RAB11FIP2: variants seen among roughly 807,000 people sequenced by gnomAD.
The protein encoded by RAB11FIP2 is RAB11 family interacting protein 2.
RAB11FIP2 carries 16 observed loss-of-function variants against 40.9 expected under a neutral mutation model. The observed-to-expected ratio is 0.39, with a 90% confidence interval of 0.26 to 0.59. RAB11FIP2 has a LOEUF of 0.59. Ranked by LOEUF, RAB11FIP2 falls within the 20% of genes least tolerant of loss-of-function variation. The probability of loss-of-function intolerance (pLI) is 0.53; values close to 1 mark genes in which losing one functional copy is unlikely to be tolerated. For missense variants in RAB11FIP2, 532 were observed against 606.2 expected (o/e 0.88, Z 1.28); for synonymous variants, 228 against 213.7 (o/e 1.07, Z -0.58).
rs1846089855 is a variant in RAB11FIP2, at chr10:118,006,305, G to C, written c.*2693C>G. ...GTACATTAGCTTAAGATAGTCTTGA[G>C]ATAAATATCAATTCTGTGATTTTAA... On this transcript the variant is annotated 3_prime_UTR_variant, in exon 5 of 5. Coordinates refer to ENST00000355624, the MANE Select transcript of RAB11FIP2 (RefSeq NM_014904.3). 1 of 152,514 alleles carries C rather than the reference G, an allele frequency of 6.6e-6. No individual in the cohort carries two copies. 9.4% of individuals were successfully genotyped at this position (152,514 alleles called of 1,614,324 possible).
At position 118,005,820 on chromosome 10, in the gene RAB11FIP2, C is replaced by T. The variant is rs1024114577; in HGVS notation, c.*3178G>A. On this transcript the variant is annotated 3_prime_UTR_variant, in exon 5 of 5. Transcript: ENST00000355624. Reference sequence around the variant, plus strand: ...CTTCCGGGGATGGTAGGCAGGGAGGCGTGGTGGTGAGGGAGTTGCTGGAGG... The same window carrying T: ...CTTCCGGGGATGGTAGGCAGGGAGGTGTGGTGGTGAGGGAGTTGCTGGAGG... 8 of 152,000 alleles carry T rather than the reference C, an allele frequency of 5.3e-5. No individual in the cohort carries two copies. The highest frequency in any genetic ancestry group is 1.7e-4 in the African/African-American group (7 of 41,250). The allele number at this position is 152,000 out of a possible 1,614,324, so 9.4% of individuals were successfully genotyped here.
At chr10:118,030,386 T>G (rs574095392) in intron 3 of RAB11FIP2, among the ~76,000 whole-genome samples, 1 of 152,146 alleles carries the variant, frequency 6.6e-6, no homozygotes, top group Admixed American at 6.6e-5. Context: ...TTGTTCTCTT[T>G]AAGTATTGGA....
intron 2 of RAB11FIP2, 46 bp downstream of exon 2, chr10:118,040,077 A>G (rs1387377425): frequency 2.0e-6 from 3 of 1,498,598 alleles, no homozygotes. Flanking sequence ...TTTAAAAACT[A>G]AAAGGGTAGT....
At position 118,008,602 on chromosome 10, in the gene RAB11FIP2, T is replaced by C. The variant is rs1459078169; in HGVS notation, c.*396A>G. ...AACGAGCAGTATTCCTGAAGCTAAA[T>C]ATTTCTACAAACTGATTTCTGAGAA... On this transcript the variant is annotated 3_prime_UTR_variant, in exon 5 of 5. Coordinates refer to ENST00000355624, the MANE Select transcript of RAB11FIP2 (RefSeq NM_014904.3). The C allele has an allele frequency of 5.2e-6, 1 of 191,732 alleles. No homozygotes were observed. Among genetic ancestry groups the C allele is most frequent in the Non-Finnish European group, 1.1e-5 (1 of 90,924 alleles). 11.9% of individuals were successfully genotyped at this position (191,732 alleles called of 1,614,324 possible).
chr10:118,029,888 A>G (rs1846392044), intron 3 of RAB11FIP2, among the ~76,000 whole-genome samples: 1 of 152,176 alleles, frequency 6.6e-6, no homozygotes, highest in African/African-American at 2.4e-5. Context: ...AGTTGGGAAT[A>G]TAAAATCTCA....
chr10:118,008,945 CTTCT>C lies in RAB11FIP2; in HGVS notation c.*49_*52del, dbSNP rs542670754. ...TCAGTAACAAGTTTTTCCTTCCTTC[CTTCT>C]TTCTTTCTCTCTCTTTGTCCAATTA... On this transcript the variant is annotated 3_prime_UTR_variant, in exon 5 of 5. Transcript: ENST00000355624. 3.5e-4 allele frequency: 510 copies of C among 1,440,284 alleles called. 6 individuals are homozygous for C. In the South Asian group the frequency reaches 5.3e-3, roughly 15 times the overall value. 89.2% of individuals were successfully genotyped at this position (1,440,284 alleles called of 1,614,324 possible). A position where few individuals can be genotyped will look rare whatever the true frequency, so the allele number is the denominator to read the frequency against.
chr10:118,009,155 A>G lies in RAB11FIP2; in HGVS notation c.1382T>C (p.Val461Ala), dbSNP rs1431820593. The G allele has an allele frequency of 1.2e-6, 2 of 1,613,444 alleles. No homozygotes were observed. The highest frequency in any genetic ancestry group is 1.7e-6 in the Non-Finnish European group (2 of 1,179,616). The change falls in exon 5 of 5, where the codon GTG (valine) becomes GCG (alanine). Residue 461 changes from valine to alanine, a missense_variant. Val to Ala is a moderately conservative substitution (Grantham distance 64). Transcript: ENST00000355624. The stretch of plus-strand genomic sequence containing the variant: ...CCTCCTAAGGAGTTCTTTGTGTTTC[A>G]CCAGCTCCTGTAGAACCTCTTCATA... The part of the protein sequence containing the change: ...LTYEEVLQEL[V>A]KHKELLRRKD...
At chr10:118,027,363 G>A (rs568213822) in intron 3 of RAB11FIP2, among the ~76,000 whole-genome samples, 1 of 152,282 alleles carries the variant, frequency 6.6e-6, no homozygotes, top group East Asian at 1.9e-4. Context: ...ATGTTATACT[G>A]TAAAACCTTT....
chr10:118,042,106 G>A (rs531281717), intron 1 of RAB11FIP2, among the ~76,000 whole-genome samples: 1 of 152,198 alleles, frequency 6.6e-6, no homozygotes, highest in East Asian at 1.9e-4. Context: ...ATTTTCAATA[G>A]GGAGAGAAAC....
Position 118,039,381 on chromosome 10 carries a change from G to A in RAB11FIP2, c.856C>T (p.Pro286Ser). Residue 286 changes from proline (P) to serine (S), a missense_variant, in exon 3 of 5, where the codon CCT (proline) becomes TCT (serine). By Grantham distance (74) the Pro-to-Ser change is moderately conservative. Coordinates refer to ENST00000355624, the MANE Select transcript of RAB11FIP2 (RefSeq NM_014904.3). ...TCACCTTCATCCACAATGCTGTCAGGTTGGTTCATTTTAGAAGTATCAAAG... is the reference window on the plus strand; with the variant it reads ...TCACCTTCATCCACAATGCTGTCAGATTGGTTCATTTTAGAAGTATCAAAG... Reference protein sequence around the residue: ...LSFDTSKMNQPDSIVDEGELC... With the variant: ...LSFDTSKMNQSDSIVDEGELC... 1 of 1,613,458 alleles carries A rather than the reference G, an allele frequency of 6.2e-7. No individual in the cohort carries two copies.
chr10:118,014,606 T>C (rs535911302), intron 4 of RAB11FIP2, among the ~76,000 whole-genome samples: 1 of 152,282 alleles, frequency 6.6e-6, no homozygotes, highest in South Asian at 2.1e-4. Context: ...TATTTGTTCT[T>C]TCAAATACTT....
chr10:118,023,001 T>C (rs1846299263), intron 3 of RAB11FIP2, among the ~76,000 whole-genome samples: 1 of 152,198 alleles, frequency 6.6e-6, no homozygotes, highest in Non-Finnish European at 1.5e-5. Flanking sequence ...TGGAGTGTTT[T>C]TCAGTTCTTT....
chr10:118,043,203 G>A (rs1039503263), intron 1 of RAB11FIP2, among the ~76,000 whole-genome samples: 2 of 152,064 alleles, frequency 1.3e-5, no homozygotes, highest in Non-Finnish European at 2.9e-5. Context: ...CAGTAAGGGT[G>A]CCAGAGGCCA....
chr10:118,014,959 G>A (rs1846198641), intron 4 of RAB11FIP2, 106 bp downstream of exon 4: 3 of 904,082 alleles, frequency 3.3e-6, no homozygotes, highest in Non-Finnish European at 1.7e-6. Context: ...CAATTCTTAG[G>A]TAAGTGAGGC....
At chr10:118,011,582 T>A (rs1038117353) in intron 4 of RAB11FIP2, among the ~76,000 whole-genome samples, 17 of 152,128 alleles carry the variant, frequency 1.1e-4, no homozygotes, top group African/African-American at 3.6e-4. Flanking sequence ...TAAAGTGTCT[T>A]ACTTCAACTC....
chr10:118,043,470 G>A (rs974124497), intron 1 of RAB11FIP2: 12 of 152,130 alleles, frequency 7.9e-5, no homozygotes, highest in African/African-American at 2.9e-4. Context: ...TAAAGGAGGA[G>A]ATACAGAAGT....
At chr10:118,021,294 G>C (rs1372653727) in intron 3 of RAB11FIP2, among the ~76,000 whole-genome samples, 1 of 151,848 alleles carries the variant, frequency 6.6e-6, no homozygotes, top group Non-Finnish European at 1.5e-5. Flanking sequence ...CAATTTATAA[G>C]ACATTTTCAC....
intron 4 of RAB11FIP2, among the ~76,000 whole-genome samples, chr10:118,009,789 T>C (rs759562246): frequency 6.6e-6 from 1 of 152,162 alleles, no homozygotes; most frequent in Non-Finnish European, 1.5e-5. Flanking sequence ...GAGTAACTTC[T>C]GTTTTAATTT....
chr10:118,029,817 T>C (rs974322420), intron 3 of RAB11FIP2, among the ~76,000 whole-genome samples: 1 of 152,076 alleles, frequency 6.6e-6, no homozygotes, highest in Non-Finnish European at 1.5e-5. Flanking sequence ...GAGCCAAAAC[T>C]CAAGATTCAT....
Sources: gnomAD v4.1 joint callset for allele counts (sites outside exome capture counted in the v4.1 genomes callset) on GRCh38, gnomAD v4.1.1 for gene constraint, MANE v1.5 for transcripts, NCBI Gene and HGNC (gene_info 2026-07-23, HGNC 2026-07-21) for gene names.